Variants in OXR1 observed in about 807,000 individuals in gnomAD.
The protein encoded by OXR1 is oxidation resistance protein 1.
In OXR1, 41 loss-of-function variants were observed where a neutral mutation model predicts 104.6. That is an observed-to-expected ratio of 0.39 (90% confidence interval 0.31 to 0.51). The LOEUF (loss-of-function observed/expected upper bound fraction) is 0.51. OXR1 is among the 20% of genes least tolerant of loss of function. The probability of loss-of-function intolerance (pLI) is 0.77; values close to 1 mark genes in which losing one functional copy is unlikely to be tolerated. For missense variants in OXR1, 955 were observed against 1,031.9 expected, an observed-to-expected ratio of 0.93 and a Z score of 1.02; for synonymous variants, 348 against 348.4, an observed-to-expected ratio of 1.00 and a Z score of 0.01.
At chr8:106,617,029 C>T (rs1254739355) in intron 3 of OXR1, among the ~76,000 whole-genome samples, 9 of 152,188 alleles carry the variant, frequency 5.9e-5, no homozygotes, top group Admixed American at 5.2e-4. Context: ...CAGTTTTCCA[C>T]CACAATCCTC....
At chr8:106,440,296 T>G (rs1819732207) in intron 2 of OXR1, among the ~76,000 whole-genome samples, 1 of 152,148 alleles carries the variant, frequency 6.6e-6, no homozygotes, top group South Asian at 2.1e-4. Flanking sequence ...TGGACAGTTG[T>G]GCTCAGTGCT....
chr8:106,494,539 C>G (rs1811298798), intron 2 of OXR1, among the ~76,000 whole-genome samples: 2 of 152,170 alleles, frequency 1.3e-5, no homozygotes, highest in African/African-American at 4.8e-5. Context: ...CCATCAGTAT[C>G]CTGACTTATC....
In OXR1 at chr8:106,704,647, G is replaced by A. The variant is rs573500217; in HGVS notation, c.860+1557G>A. On this transcript the variant is annotated intron_variant, in intron 8 of 16. Transcript: ENST00000517566. ...CCCTGACCTCAAGTGATACACTGGCGTAGGCCTGCCAAAGTGCTGAGATTA... is the reference window on the plus strand; with the variant it reads ...CCCTGACCTCAAGTGATACACTGGCATAGGCCTGCCAAAGTGCTGAGATTA... 5.9e-5 allele frequency among the ~76,000 whole-genome samples: 9 copies of A among 151,906 alleles called. No individual in the cohort carries two copies. The South Asian group carries it at 8.3e-4, about 14-fold the overall frequency.
chr8:106,328,413 A>T (rs1398014943), intron 1 of OXR1, among the ~76,000 whole-genome samples: 1 of 152,256 alleles, frequency 6.6e-6, no homozygotes, highest in East Asian at 1.9e-4. Context: ...AATAAAGGGA[A>T]AGATTATGAT....
At chr8:106,293,226 C>A (rs139523186) in intron 1 of OXR1, among the ~76,000 whole-genome samples, 1 of 152,128 alleles carries the variant, frequency 6.6e-6, no homozygotes, top group Non-Finnish European at 1.5e-5. Flanking sequence ...AAGCTTGGGC[C>A]AAAATGTAAA....
chr8:106,348,261 C>T (rs939211912), intron 1 of OXR1, among the ~76,000 whole-genome samples: 2 of 152,088 alleles, frequency 1.3e-5, no homozygotes, highest in African/African-American at 4.8e-5. Context: ...CTATGAAGGA[C>T]ATTGAAGCAA....
At chr8:106,361,088 A>G (rs2130343532) in intron 2 of OXR1, among the ~76,000 whole-genome samples, 1 of 152,354 alleles carries the variant, frequency 6.6e-6, no homozygotes, top group African/African-American at 2.4e-5. Context: ...TCCAAAACAC[A>G]GTGAACTCCG....
Position 106,702,921 on chromosome 8 carries a change from G to A in OXR1, c.691G>A (p.Val231Met). 7.4e-6 allele frequency: 12 copies of A among 1,613,304 alleles called. No homozygotes were observed. Among genetic ancestry groups the A allele is most frequent in the Non-Finnish European group, 1.0e-5 (12 of 1,179,434 alleles). Residue 231 changes from valine (V) to methionine (M), a missense_variant, in exon 8 of 17, where the codon GTG becomes ATG. By Grantham distance (21) the Val-to-Met change is conservative. Coordinates refer to ENST00000517566, the MANE Select transcript of OXR1 (RefSeq NM_001198533.2). ...ITSGKGTVSG[V>M]LLVTPNNIMF... ...TTCACCTTAGGGCACAGTCAGTGGT[G>A]TGCTGCTAGTTACACCAAATAATAT...
At chr8:106,284,388 G>T (rs1310438262) in intron 1 of OXR1, among the ~76,000 whole-genome samples, 1 of 152,104 alleles carries the variant, frequency 6.6e-6, no homozygotes, top group Non-Finnish European at 1.5e-5. Context: ...CCAGATGGAG[G>T]TGGAGAGGTA....
At chr8:106,656,304 C>T (rs3101531) in intron 3 of OXR1, 11,280 of 152,508 alleles carry the variant, frequency 0.074, 575 homozygotes, top group East Asian at 0.17. Context: ...AGGGTGCCAG[C>T]ATAGTTGGTT....
chr8:106,377,905 A>G (rs778563016), intron 2 of OXR1, among the ~76,000 whole-genome samples: 1 of 152,200 alleles, frequency 6.6e-6, no homozygotes, highest in Non-Finnish European at 1.5e-5. Flanking sequence ...ACTGAACACA[A>G]AAATCAGATT....
At chr8:106,306,897 T>G (rs1813485537) in intron 1 of OXR1, among the ~76,000 whole-genome samples, 1 of 151,448 alleles carries the variant, frequency 6.6e-6, no homozygotes, top group Non-Finnish European at 1.5e-5. Flanking sequence ...CAAAATAGAT[T>G]GTAGATGTTA....
chr8:106,411,703 G>T (rs1818464183), intron 2 of OXR1, among the ~76,000 whole-genome samples: 1 of 152,172 alleles, frequency 6.6e-6, no homozygotes, highest in Non-Finnish European at 1.5e-5. Context: ...TTCTGTGCAA[G>T]ATTTTGACTC....
chr8:106,305,169 T>C (rs1813419219), intron 1 of OXR1, among the ~76,000 whole-genome samples: 1 of 152,158 alleles, frequency 6.6e-6, no homozygotes, highest in Non-Finnish European at 1.5e-5. Flanking sequence ...ACTACTTTCT[T>C]TGCCCATGCA....
chr8:106,597,369 G>T (rs375885953), intron 3 of OXR1, among the ~76,000 whole-genome samples: 1 of 152,236 alleles, frequency 6.6e-6, no homozygotes, highest in Non-Finnish European at 1.5e-5. Flanking sequence ...GAACCTGCAG[G>T]CACCTTGATC....
chr8:106,482,248 G>T (rs1262077588), intron 2 of OXR1, among the ~76,000 whole-genome samples: 1 of 151,962 alleles, frequency 6.6e-6, no homozygotes, highest in Non-Finnish European at 1.5e-5. Flanking sequence ...AAGGGCTGTG[G>T]TATGGGCATG....
chr8:106,604,449 A>T (rs1320105142), intron 3 of OXR1, among the ~76,000 whole-genome samples: 1 of 152,148 alleles, frequency 6.6e-6, no homozygotes, highest in African/African-American at 2.4e-5. Flanking sequence ...AGCCACCCGT[A>T]TACAGTATTA....
intron 4 of OXR1, among the ~76,000 whole-genome samples, chr8:106,681,151 T>G (rs1187366605): frequency 1.3e-5 from 2 of 152,252 alleles, no homozygotes; most frequent in Non-Finnish European, 2.9e-5. Context: ...TTTTGTTACC[T>G]TCATCATCTC....
At chr8:106,437,640 C>T (rs1441147216) in intron 2 of OXR1, among the ~76,000 whole-genome samples, 2 of 152,282 alleles carry the variant, frequency 1.3e-5, no homozygotes, top group African/African-American at 4.8e-5. Flanking sequence ...CCCAATTTGA[C>T]ATTGGCTCCC....
Sources: gnomAD v4.1 joint callset for allele counts (sites outside exome capture counted in the v4.1 genomes callset) on GRCh38, gnomAD v4.1.1 for gene constraint, MANE v1.5 for transcripts, NCBI Gene and HGNC (gene_info 2026-07-23, HGNC 2026-07-21) for gene names.